Variants in EPB41L2 observed in about 807,000 individuals in gnomAD.
EPB41L2 encodes the protein erythrocyte membrane protein band 4.1 like 2.
In EPB41L2, 43 loss-of-function variants were observed where a neutral mutation model predicts 113.0. That is an observed-to-expected ratio of 0.38 (90% CI 0.30 to 0.49). The LOEUF (loss-of-function observed/expected upper bound fraction) is 0.49. Among genes scored for constraint, EPB41L2 ranks in the 20% least tolerant of loss-of-function variants. The pLI is 0.95. For missense variants in EPB41L2, 1,147 were observed against 1,223.4 expected (o/e 0.94, Z 0.93); for synonymous variants, 442 against 436.7 (o/e 1.01, Z -0.15).
intron 19 of EPB41L2, among the ~76,000 whole-genome samples, chr6:130,851,335 C>T (rs1778726137): frequency 6.6e-6 from 1 of 152,168 alleles, no homozygotes; most frequent in African/African-American, 2.4e-5. Context: ...TGTTTTGAAA[C>T]CCTGCACATC....
chr6:131,055,992 G>A (rs1262335192), intron 1 of EPB41L2, among the ~76,000 whole-genome samples: 5 of 152,192 alleles, frequency 3.3e-5, no homozygotes, highest in Non-Finnish European at 7.3e-5. Context: ...ATGCGTGACA[G>A]CACCAGAAGC....
intron 3 of EPB41L2, among the ~76,000 whole-genome samples, chr6:130,951,310 T>C (rs1347457489): frequency 3.2e-5 from 4 of 126,196 alleles, no homozygotes; most frequent in Admixed American, 8.2e-5. Flanking sequence ...TCAGCCTCAG[T>C]ACTTTTTTTT....
intron 1 of EPB41L2, among the ~76,000 whole-genome samples, chr6:131,051,439 C>A: frequency 1.1e-5 from 1 of 93,462 alleles, no homozygotes; most frequent in Middle Eastern, 5.3e-3. Flanking sequence ...GGAACAAATT[C>A]ACAAAAGTAA....
intron 1 of EPB41L2, among the ~76,000 whole-genome samples, chr6:131,004,390 G>C (rs1415787077): frequency 2.6e-5 from 4 of 152,106 alleles, no homozygotes; most frequent in Non-Finnish European, 5.9e-5. Flanking sequence ...TTGACATAAA[G>C]TAAACACCAA....
intron 1 of EPB41L2, among the ~76,000 whole-genome samples, chr6:131,044,441 C>A (rs1795044379): frequency 6.6e-6 from 1 of 152,078 alleles, no homozygotes; most frequent in East Asian, 1.9e-4. Flanking sequence ...AAATTAATTT[C>A]TAAAACAATT....
At chr6:130,851,908 T>G (rs1427289900) in intron 19 of EPB41L2, among the ~76,000 whole-genome samples, 1 of 152,196 alleles carries the variant, frequency 6.6e-6, no homozygotes, top group African/African-American at 2.4e-5. Flanking sequence ...GAGCTAGCCC[T>G]GGATAACACA....
chr6:130,897,552 G>A (rs1236696388), intron 8 of EPB41L2, among the ~76,000 whole-genome samples: 3 of 152,160 alleles, frequency 2.0e-5, no homozygotes, highest in Non-Finnish European at 4.4e-5. Context: ...TTAAGAATTG[G>A]TTTCTAACTA....
intron 3 of EPB41L2, among the ~76,000 whole-genome samples, chr6:130,939,877 T>C (rs1390051362): frequency 1.3e-5 from 2 of 152,226 alleles, no homozygotes; most frequent in African/African-American, 2.4e-5. Context: ...GTTCAACTTT[T>C]ATTAAGTAGA....
chr6:130,954,324 A>C lies in EPB41L2; in HGVS notation c.705+781T>G, dbSNP rs1816659423. Among the ~76,000 whole-genome samples, 5 of 152,150 alleles carry C rather than the reference A, an allele frequency of 3.3e-5. No homozygotes were observed. In the South Asian group the frequency reaches 1.0e-3, roughly 32 times the overall value. On this transcript the variant is annotated intron_variant, in intron 3 of 19. Transcript: ENST00000337057. ...CGCCTTGGCCTCCCAAAGTGCTGGGATTACAGGCTTGAGCCACCGCACCCA... is the reference window on the plus strand; with the variant it reads ...CGCCTTGGCCTCCCAAAGTGCTGGGCTTACAGGCTTGAGCCACCGCACCCA...
chr6:130,942,398 T>A (rs555587958), intron 3 of EPB41L2, among the ~76,000 whole-genome samples: 1 of 152,302 alleles, frequency 6.6e-6, no homozygotes, highest in East Asian at 1.9e-4. Flanking sequence ...AGTAACATCA[T>A]CTTAAATTTG....
intron 12 of EPB41L2, chr6:130,883,164 C>A (rs1285190302): frequency 6.6e-6 from 1 of 152,622 alleles, no homozygotes; most frequent in Non-Finnish European, 1.5e-5. Flanking sequence ...CACATGGAAA[C>A]AGTCTATTCT....
rs1562753833 is a variant in EPB41L2, at chr6:131,023,746, TCTATATATAGATATATAGATATATAG to T, written c.-15+39383_-15+39408del. ...GTGTGTGTGTATATATATCTATATA[TCTATATATAGATATATAGATATATAG>T]ATATATAGATATATAGATATATCCC... On this transcript the variant is annotated intron_variant, in intron 1 of 19. Coordinates refer to ENST00000337057, the MANE Select transcript of EPB41L2 (RefSeq NM_001431.4). Among the ~76,000 whole-genome samples, 4 of 98,782 alleles carry T rather than the reference TCTATATATAGATATATAGATATATAG, an allele frequency of 4.0e-5. 1 individual carries two copies. The highest frequency in any genetic ancestry group is 2.3e-5 in the Non-Finnish European group (1 of 43,110). The allele number at this position is 98,782 out of a possible 152,430, so 64.8% of individuals were successfully genotyped here.
chr6:131,009,041 GAT>G (rs1348895615), intron 1 of EPB41L2, among the ~76,000 whole-genome samples: 3 of 152,182 alleles, frequency 2.0e-5, no homozygotes, highest in African/African-American at 7.2e-5. Context: ...GAAATGTGAG[GAT>G]ATGAGATTTG....
At chr6:131,033,811 G>A (rs1792727663) in intron 1 of EPB41L2, among the ~76,000 whole-genome samples, 1 of 152,184 alleles carries the variant, frequency 6.6e-6, no homozygotes, top group Admixed American at 6.5e-5. Flanking sequence ...ACTGTTTAAC[G>A]GGTACAGAGT....
At chr6:131,029,391 TAAAAA>T (rs757528439) in intron 1 of EPB41L2, among the ~76,000 whole-genome samples, 6 of 119,466 alleles carry the variant, frequency 5.0e-5, no homozygotes, top group Non-Finnish European at 5.2e-5. Flanking sequence ...AGCATTTGTT[TAAAAA>T]AAAAAAAAAA....
intron 1 of EPB41L2, among the ~76,000 whole-genome samples, chr6:131,059,639 A>T (rs1486072738): frequency 2.6e-5 from 4 of 152,246 alleles, no homozygotes; most frequent in Non-Finnish European, 1.5e-5. Flanking sequence ...CTATTTGCTC[A>T]GACATTCCAA....
At chr6:130,930,918 T>A (rs748111635) in intron 3 of EPB41L2, among the ~76,000 whole-genome samples, 1 of 151,798 alleles carries the variant, frequency 6.6e-6, no homozygotes, top group Non-Finnish European at 1.5e-5. Context: ...ATAAAACACC[T>A]AGAAATGAAA....
intron 4 of EPB41L2, among the ~76,000 whole-genome samples, chr6:130,915,573 G>C (rs1413731555): frequency 1.3e-5 from 2 of 152,158 alleles, no homozygotes; most frequent in Non-Finnish European, 2.9e-5. Flanking sequence ...ATATTTTGAA[G>C]TCACAGTAGC....
intron 1 of EPB41L2, among the ~76,000 whole-genome samples, chr6:130,998,258 G>A (rs995636803): frequency 4.3e-4 from 65 of 152,112 alleles, no homozygotes; most frequent in African/African-American, 1.5e-3. Flanking sequence ...TGAATTCCAA[G>A]ACTATGAAAA....
Sources: allele counts gnomAD v4.1 joint callset (sites outside exome capture counted in the v4.1 genomes callset), GRCh38; gene constraint gnomAD v4.1.1; transcripts MANE v1.5; gene names NCBI Gene and HGNC (gene_info 2026-07-23, HGNC 2026-07-21).